DLX5: variants seen among roughly 807,000 people sequenced by gnomAD.
DLX5 encodes the protein distal-less homeobox 5, also known as homeobox protein DLX-5.
Under a neutral mutation model 27.1 loss-of-function variants are expected in DLX5, and 8 were observed. The ratio of observed to expected loss-of-function variants is 0.30; its 90% CI spans 0.17 to 0.53. DLX5 has a LOEUF of 0.53. Among genes scored for constraint, DLX5 ranks in the 20% least tolerant of loss-of-function variants. The pLI is 0.95. For missense variants in DLX5, 339 were observed against 375.1 expected, an observed-to-expected ratio of 0.90 and a Z score of 0.80; for synonymous variants, 178 against 161.9, an observed-to-expected ratio of 1.10 and a Z score of -0.75.
Position 97,020,892 on chromosome 7 carries a change from A to G in DLX5, c.714T>C (p.His238=). The change falls in exon 3 of 3, where the codon CAT becomes CAC. Residue 238 remains histidine (H), a synonymous_variant. Transcript: ENST00000648378. Reference sequence around the variant, plus strand: ...ACTGGTTGGAGGTCGGAGGGTGGGCATGAGGGTGGTGGCTGAGCGAGCGGG... The same window carrying G: ...ACTGGTTGGAGGTCGGAGGGTGGGCGTGAGGGTGGTGGCTGAGCGAGCGGG... ...GSSRSLSHHP[H]AHPPTSNQSP... is the part of the protein sequence containing the mutation. The G allele has an allele frequency of 1.9e-6, 3 of 1,614,148 alleles. No individual in the cohort carries two copies. The highest frequency in any genetic ancestry group is 1.3e-5 in the African/African-American group (1 of 75,068).
intron 2 of DLX5, 37 bp downstream of exon 2, chr7:97,022,148 C>T (rs769677369): frequency 6.2e-7 from 1 of 1,612,288 alleles, no homozygotes; most frequent in South Asian, 1.1e-5. Context: ...AGACGTGCAG[C>T]TCAGGCAGGT....
intron 1 of DLX5, 45 bp from the exon 2 acceptor site, chr7:97,022,414 T>C: frequency 6.2e-7 from 1 of 1,606,334 alleles, no homozygotes; most frequent in South Asian, 1.1e-5. Flanking sequence ...CACCAGACAA[T>C]GCCCCTTTTG....
At chr7:97,023,233 G>C (rs1173831142) in intron 1 of DLX5, among the ~76,000 whole-genome samples, 1 of 151,906 alleles carries the variant, frequency 6.6e-6, no homozygotes, top group African/African-American at 2.4e-5. Context: ...TTGGGCGGGA[G>C]GGGGAGGGAT....
chr7:97,020,929 G>T lies in DLX5; in HGVS notation c.677C>A (p.Pro226His), dbSNP rs1790039529. The T allele has an allele frequency of 6.2e-7, 1 of 1,614,078 alleles. No homozygotes were observed. The highest frequency in any genetic ancestry group is 8.5e-7 in the Non-Finnish European group (1 of 1,180,054). Residue 226 changes from proline to histidine, a missense_variant, in exon 3 of 3, where the codon CCC becomes CAC. Physicochemically the swap from Pro to His is moderately conservative, Grantham distance 77 (BLOSUM62 -2). Coordinates refer to ENST00000648378, the MANE Select transcript of DLX5 (RefSeq NM_005221.6). ...GCTGAGCGAGCGGGACGAGCCCTGG[G>T]GCTCCCACACCGCTGGAGACTGCGG... ...NSPQSPAVWE[P>H]QGSSRSLSHH... is the part of the protein sequence containing the mutation.
At chr7:97,021,687 C>G (rs1487419213) in intron 2 of DLX5, among the ~76,000 whole-genome samples, 2 of 152,196 alleles carry the variant, frequency 1.3e-5, no homozygotes, top group African/African-American at 4.8e-5. Flanking sequence ...CGCCCCCCAC[C>G]TCGCGACCCT....
chr7:97,021,458 G>A (rs1178450961), intron 2 of DLX5, among the ~76,000 whole-genome samples: 3 of 152,232 alleles, frequency 2.0e-5, no homozygotes, highest in Admixed American at 1.3e-4. Context: ...CGGCGGGGAA[G>A]GGGCGTGGGG....
At chr7:97,021,129 G>A (rs1378413584) in intron 2 of DLX5, 64 bp from the exon 3 acceptor site, 3 of 1,480,800 alleles carry the variant, frequency 2.0e-6, no homozygotes, top group East Asian at 4.6e-5. Flanking sequence ...CCTTCCCCGG[G>A]GCGGCGACTG....
chr7:97,023,128 A>C (rs1014427179), intron 1 of DLX5, among the ~76,000 whole-genome samples: 1 of 151,986 alleles, frequency 6.6e-6, no homozygotes, highest in African/African-American at 2.4e-5. Context: ...AAAGTTCAGC[A>C]AGAGTCACAC....
intron 1 of DLX5, among the ~76,000 whole-genome samples, chr7:97,023,909 CCTT>C (rs762014674): frequency 1.5e-4 from 23 of 152,198 alleles, no homozygotes; most frequent in African/African-American, 4.8e-4. Flanking sequence ...TCCCAAGTAA[CCTT>C]CTCTTTGTTA....
Position 97,022,294 on chromosome 7 carries a change from T to A in DLX5, c.431A>T (p.Tyr144Phe), listed in dbSNP as rs1364069713. 1 of 1,614,260 alleles carries A rather than the reference T, an allele frequency of 6.2e-7. No homozygotes were observed. Among genetic ancestry groups the A allele is most frequent in the Non-Finnish European group, 8.5e-7 (1 of 1,180,042 alleles). ...PKKVRKPRTIYSSFQLAALQR... is the reference protein window; with the variant it reads ...PKKVRKPRTIFSSFQLAALQR... ...TAATGCGGCCAGCTGAAAGCTGGAA[T>A]AAATAGTCCTGGGTTTACGAACTTT... Residue 144 changes from tyrosine to phenylalanine, a missense_variant, in exon 2 of 3, where the codon TAT becomes TTT. Around this residue, in one of 3 missense-constraint regions of DLX5, gnomAD observed 188 missense variants for 206.1 expected, o/e 0.91. Coordinates refer to ENST00000648378, the MANE Select transcript of DLX5 (RefSeq NM_005221.6).
At position 97,020,587 on chromosome 7, in the gene DLX5, A is replaced by G. The variant is rs948001862; in HGVS notation, c.*149T>C. 2 of 803,130 alleles carry G rather than the reference A, an allele frequency of 2.5e-6. No individual in the cohort carries two copies. Among genetic ancestry groups the G allele is most frequent in the African/African-American group, 3.5e-5 (2 of 57,736 alleles). 49.8% of individuals were successfully genotyped at this position (803,130 alleles called of 1,614,324 possible). ...CTGTAAAAAAAGGGGGGGTCTTTTG[A>G]AATGCAATAACTTACATGCAAAAAA... On this transcript the variant is annotated 3_prime_UTR_variant, in exon 3 of 3. Transcript: ENST00000648378.
rs1790043682 is a variant in DLX5, at chr7:97,021,040, C to T, written c.566G>A (p.Arg189Lys). The T allele has an allele frequency of 6.2e-7, 1 of 1,608,638 alleles. No individual in the cohort carries two copies. The highest frequency in any genetic ancestry group is 8.5e-7 in the Non-Finnish European group (1 of 1,176,332). Residue 189 changes from arginine (R) to lysine (K), a missense_variant, in exon 3 of 3, where the codon AGA becomes AAA. Physicochemically the swap from Arg to Lys is conservative, Grantham distance 26. Around this residue, in one of 3 missense-constraint regions of DLX5, gnomAD observed 15 missense variants for 38.7 expected, o/e 0.39. Coordinates refer to ENST00000648378, the MANE Select transcript of DLX5 (RefSeq NM_005221.6). Reference sequence around the variant, plus strand: ...TTTCATGATCTTCTTGATCTTGGATCTTTTGTTCTGAAACCAGATTTTCAC... The same window carrying T: ...TTTCATGATCTTCTTGATCTTGGATTTTTTGTTCTGAAACCAGATTTTCAC... ...TQVKIWFQNK[R>K]SKIKKIMKNG... is the part of the protein sequence containing the mutation.
Position 97,020,598 on chromosome 7 carries a change from C to T in DLX5, c.*138G>A, listed in dbSNP as rs1287170793. The T allele has an allele frequency of 1.1e-6, 1 of 907,626 alleles. No homozygotes were observed. The highest frequency in any genetic ancestry group is 1.7e-5 in the African/African-American group (1 of 59,680). The allele number at this position is 907,626 out of a possible 1,614,324, so 56.2% of individuals were successfully genotyped here. A position where few individuals can be genotyped will look rare whatever the true frequency, so the allele number is the denominator to read the frequency against. ...GGGGGGGTCTTTTGAAATGCAATAA[C>T]TTACATGCAAAAAAAAGCTTTACAC... On this transcript the variant is annotated 3_prime_UTR_variant, in exon 3 of 3. Transcript: ENST00000648378.
Position 97,022,267 on chromosome 7 carries a change from T to C in DLX5, c.458A>G (p.Gln153Arg). ...IYSSFQLAAL[Q>R]RRFQKTQYLA... ...GTACTGAGTCTTCTGAAACCTTCTCTGTAATGCGGCCAGCTGAAAGCTGGA... is the reference window on the plus strand; with the variant it reads ...GTACTGAGTCTTCTGAAACCTTCTCCGTAATGCGGCCAGCTGAAAGCTGGA... Residue 153 changes from glutamine (Q) to arginine (R), a missense_variant, in exon 2 of 3, where the codon CAG becomes CGG. Coordinates refer to ENST00000648378, the MANE Select transcript of DLX5 (RefSeq NM_005221.6). The C allele has an allele frequency of 6.2e-7, 1 of 1,614,262 alleles. No individual in the cohort carries two copies. The highest frequency in any genetic ancestry group is 8.5e-7 in the Non-Finnish European group (1 of 1,180,046).
Position 97,020,515 on chromosome 7 carries a change from T to C in DLX5, c.*221A>G. 1 of 432,986 alleles carries C rather than the reference T, an allele frequency of 2.3e-6. No individual in the cohort carries two copies. Among genetic ancestry groups the C allele is most frequent in the Non-Finnish European group, 4.0e-6 (1 of 247,364 alleles). 26.8% of individuals were successfully genotyped at this position (432,986 alleles called of 1,614,324 possible). On this transcript the variant is annotated 3_prime_UTR_variant, in exon 3 of 3. Coordinates refer to ENST00000648378, the MANE Select transcript of DLX5 (RefSeq NM_005221.6). Reference sequence around the variant, plus strand: ...TCTTTTGAAAAGTTGAGGTCATAGATTTCAAGGCACCATTGAAAGTGTCCA... The same window carrying C: ...TCTTTTGAAAAGTTGAGGTCATAGACTTCAAGGCACCATTGAAAGTGTCCA...
At position 97,020,906 on chromosome 7, in the gene DLX5, T is replaced by C. The variant is rs1790035068; in HGVS notation, c.700A>G (p.Ser234Gly). 1.9e-6 allele frequency: 3 copies of C among 1,614,146 alleles called. No individual in the cohort carries two copies. The East Asian group carries it at 6.7e-5, about 36-fold the overall frequency. The change falls in exon 3 of 3, where the codon AGC (serine) becomes GGC (glycine). Residue 234 changes from serine (S) to glycine (G), a missense_variant. Coordinates refer to ENST00000648378, the MANE Select transcript of DLX5 (RefSeq NM_005221.6). ...GGAGGGTGGGCATGAGGGTGGTGGCTGAGCGAGCGGGACGAGCCCTGGGGC... is the reference window on the plus strand; with the variant it reads ...GGAGGGTGGGCATGAGGGTGGTGGCCGAGCGAGCGGGACGAGCCCTGGGGC... ...WEPQGSSRSLSHHPHAHPPTS... is the reference protein window; with the variant it reads ...WEPQGSSRSLGHHPHAHPPTS...
At chr7:97,022,688 C>A (rs1790095852) in intron 1 of DLX5, 1 of 697,626 alleles carries the variant, frequency 1.4e-6, no homozygotes, top group Non-Finnish European at 1.8e-6. Flanking sequence ...GTTTTTACGC[C>A]CACCCTGTGC....
Position 97,024,702 on chromosome 7 carries a change from G to A in DLX5, c.-79C>T. 3 of 1,254,442 alleles carry A rather than the reference G, an allele frequency of 2.4e-6. No individual in the cohort carries two copies. 77.7% of individuals were successfully genotyped at this position (1,254,442 alleles called of 1,614,324 possible). A position where few individuals can be genotyped will look rare whatever the true frequency, so the allele number is the denominator to read the frequency against. On this transcript the variant is annotated 5_prime_UTR_variant, in exon 1 of 3. Transcript: ENST00000648378. The surrounding 1 kb of genome is among the most constrained non-coding windows in gnomAD (Gnocchi z 4.6). Reference sequence around the variant, plus strand: ...CCTAGTTGGCTGTGGGGCTGCTCTGGTCTAAGCAGACATGGCTGTGGGAGC... The same window carrying A: ...CCTAGTTGGCTGTGGGGCTGCTCTGATCTAAGCAGACATGGCTGTGGGAGC...
In DLX5 at chr7:97,024,023, G is replaced by T. The variant is rs1790131627; in HGVS notation, c.355+246C>A. Among the ~76,000 whole-genome samples, 1 of 152,202 alleles carries T rather than the reference G, an allele frequency of 6.6e-6. No homozygotes were observed. The highest frequency in any genetic ancestry group is 1.5e-5 in the Non-Finnish European group (1 of 68,030). On this transcript the variant is annotated intron_variant, in intron 1 of 2. Transcript: ENST00000648378. This position sits in a 1 kb window ranked among gnomAD's most constrained non-coding sequence, Gnocchi z 4.6. Reference sequence around the variant, plus strand: ...CGGGCAAGCTGGGAATTCAGCGACTGAAGGGCCTTGGAAGGTGCCGGAGGG... The same window carrying T: ...CGGGCAAGCTGGGAATTCAGCGACTTAAGGGCCTTGGAAGGTGCCGGAGGG...
Sources: gnomAD v4.1 joint callset for allele counts (sites outside exome capture counted in the v4.1 genomes callset) on GRCh38, gnomAD v4.1.1 for gene constraint, gnomAD v4.1.1 regional missense constraint, Gnocchi (gnomAD v3.1) non-coding constraint, MANE v1.5 for transcripts, NCBI Gene and HGNC (gene_info 2026-07-23, HGNC 2026-07-21) for gene names.